The following TGFBR2 variants were observed in gnomAD, a reference collection of about 807,000 sequenced individuals.
TGFBR2 encodes the protein transforming growth factor beta receptor 2.
A neutral mutation model predicts 49.0 loss-of-function variants in TGFBR2; 18 were observed. That is an observed-to-expected ratio of 0.37 (90% CI 0.25 to 0.54). TGFBR2 has a LOEUF of 0.54. TGFBR2 is among the 20% of genes least tolerant of loss of function. The pLI, the probability that TGFBR2 is intolerant of heterozygous loss-of-function variation, is 0.85. For synonymous variants in TGFBR2, 282 were observed against 275.9 expected (o/e 1.02, Z -0.22); for missense variants, 525 against 722.6 (o/e 0.73, Z 3.13).
intron 5 of TGFBR2, among the ~76,000 whole-genome samples, chr3:30,677,444 G>C (rs921157402): frequency 1.4e-4 from 22 of 152,090 alleles, no homozygotes; most frequent in Admixed American, 7.9e-4. Context: ...TCCCATCTTT[G>C]CTCGGGCTGC....
chr3:30,684,114 C>T (rs1216409521), intron 5 of TGFBR2, among the ~76,000 whole-genome samples: 2 of 152,142 alleles, frequency 1.3e-5, no homozygotes, highest in African/African-American at 4.8e-5. Flanking sequence ...AATGGAGGCC[C>T]TGAGAATGGC....
intron 5 of TGFBR2, among the ~76,000 whole-genome samples, chr3:30,677,492 T>C (rs1209137784): frequency 6.6e-6 from 1 of 152,226 alleles, no homozygotes; most frequent in Non-Finnish European, 1.5e-5. Context: ...ACGTTCGTCC[T>C]GACACAAAGC....
intron 3 of TGFBR2, among the ~76,000 whole-genome samples, chr3:30,658,215 A>G (rs1429113513): frequency 6.6e-6 from 1 of 152,228 alleles, no homozygotes; most frequent in Non-Finnish European, 1.5e-5. Flanking sequence ...CTCAAATGCT[A>G]ACTACCAGAA....
chr3:30,673,871 CTTA>C (rs2125438453), intron 4 of TGFBR2, among the ~76,000 whole-genome samples: 1 of 152,158 alleles, frequency 6.6e-6, no homozygotes, highest in South Asian at 2.1e-4. Flanking sequence ...TTGGCACTTC[CTTA>C]TTTTGGCATG....
chr3:30,673,410 C>T (rs1699376595), intron 4 of TGFBR2, among the ~76,000 whole-genome samples: 1 of 152,174 alleles, frequency 6.6e-6, no homozygotes. Context: ...GTGAGCCATT[C>T]TCTGGAATAT....
chr3:30,661,669 G>T (rs1412022641), intron 3 of TGFBR2: 2 of 470,466 alleles, frequency 4.3e-6, no homozygotes, highest in South Asian at 1.6e-5. Context: ...AAATCAGGAT[G>T]ATCTGGCTGA....
At chr3:30,648,455 C>CACACACACACAG (rs1698815822) in intron 2 of TGFBR2, among the ~76,000 whole-genome samples, 1 of 140,508 alleles carries the variant, frequency 7.1e-6, no homozygotes, top group African/African-American at 2.7e-5. Flanking sequence ...CACACACACA[C>CACACACACACAG]ACACACAAAA....
chr3:30,621,028 C>T (rs1041193873), intron 1 of TGFBR2, among the ~76,000 whole-genome samples: 6 of 152,140 alleles, frequency 3.9e-5, no homozygotes, highest in Non-Finnish European at 8.8e-5. Context: ...TCAGCCTTCT[C>T]GTCCACCATA....
intron 3 of TGFBR2, 32 bp from the exon 4 acceptor site, chr3:30,671,606 C>T: frequency 6.2e-7 from 1 of 1,611,888 alleles, no homozygotes; most frequent in Non-Finnish European, 8.5e-7. Flanking sequence ...CCACATCCAA[C>T]TCCTTCTCTC....
chr3:30,652,232 G>GTTTTTTTTTTTTTTTTTTTTTTT, intron 3 of TGFBR2, among the ~76,000 whole-genome samples: 1 of 97,030 alleles, frequency 1.0e-5, no homozygotes, highest in Non-Finnish European at 1.9e-5. Context: ...TTTTCTGGTT[G>GTTTTTTTTTTTTTTTTTTTTTTT]TTTTTTTTTT....
rs2125438616 is a variant in TGFBR2, at chr3:30,606,879, C to G, written c.-5C>G. On this transcript the variant is annotated 5_prime_UTR_variant, in exon 1 of 7. Coordinates refer to ENST00000295754, the MANE Select transcript of TGFBR2 (RefSeq NM_003242.6). ...CTCGGTCTATGACGAGCAGCGGGGT[C>G]TGCCATGGGTCGGGGGCTGCTCAGG... 1.3e-6 allele frequency: 2 copies of G among 1,510,070 alleles called. No homozygotes were observed. Among genetic ancestry groups the G allele is most frequent in the Non-Finnish European group, 1.8e-6 (2 of 1,116,916 alleles). 93.5% of individuals were successfully genotyped at this position (1,510,070 alleles called of 1,614,324 possible).
At chr3:30,675,771 A>G (rs1318182413) in intron 5 of TGFBR2, among the ~76,000 whole-genome samples, 1 of 152,180 alleles carries the variant, frequency 6.6e-6, no homozygotes, top group Non-Finnish European at 1.5e-5. Context: ...TATACTCTTA[A>G]CTCAACTTTG....
intron 3 of TGFBR2, among the ~76,000 whole-genome samples, chr3:30,656,139 T>C (rs1311133922): frequency 5.3e-5 from 8 of 152,194 alleles, no homozygotes; most frequent in East Asian, 1.9e-4. Context: ...AGGAATAAAT[T>C]TGGTCTAAAG....
chr3:30,663,121 G>A (rs752516410), intron 3 of TGFBR2, among the ~76,000 whole-genome samples: 2 of 152,074 alleles, frequency 1.3e-5, no homozygotes, highest in Non-Finnish European at 2.9e-5. Context: ...AGAAAATGAT[G>A]GCAAGATCTT....
intron 5 of TGFBR2, among the ~76,000 whole-genome samples, chr3:30,684,153 T>C (rs876687): frequency 0.14 from 21,778 of 151,788 alleles, 1,729 homozygotes; most frequent in East Asian, 0.32. Context: ...GTAGGAAAAA[T>C]GAGCAATGTT....
At chr3:30,678,867 C>T (rs1375610863) in intron 5 of TGFBR2, among the ~76,000 whole-genome samples, 1 of 152,148 alleles carries the variant, frequency 6.6e-6, no homozygotes, top group Non-Finnish European at 1.5e-5. Context: ...TGGATGTTAA[C>T]ATTACAGTAC....
intron 2 of TGFBR2, among the ~76,000 whole-genome samples, chr3:30,645,889 A>G (rs1371622443): frequency 2.0e-5 from 3 of 152,096 alleles, no homozygotes; most frequent in Non-Finnish European, 4.4e-5. Flanking sequence ...TTATACATAC[A>G]CAGTGGATAC....
At position 30,606,689 on chromosome 3, in the gene TGFBR2, G is replaced by C. The variant is rs925186023; in HGVS notation, c.-195G>C. ...CTGTGCAGCTTCCCTCGGCCGCCGG[G>C]GGCCTCCCCGCGCCTCGCCGGCCTC... On this transcript the variant is annotated 5_prime_UTR_variant, in exon 1 of 7. Transcript: ENST00000295754. The C allele has an allele frequency of 1.8e-5, 7 of 388,686 alleles. No individual in the cohort carries two copies. The highest frequency in any genetic ancestry group is 1.4e-4 in the African/African-American group (7 of 48,350). 24.1% of individuals were successfully genotyped at this position (388,686 alleles called of 1,614,324 possible). A position where few individuals can be genotyped will look rare whatever the true frequency, so the allele number is the denominator to read the frequency against.
rs1699742893 is a variant in TGFBR2 at position 30,693,149 on chromosome 3, A to G, written c.*1550A>G. ...TCCTTTAAGGGTCTCAGTTAGCCCAAGTTTCTTTTGCTTATATGTTAATAG... is the reference window on the plus strand; with the variant it reads ...TCCTTTAAGGGTCTCAGTTAGCCCAGGTTTCTTTTGCTTATATGTTAATAG... On this transcript the variant is annotated 3_prime_UTR_variant, in exon 7 of 7. Coordinates refer to ENST00000295754, the MANE Select transcript of TGFBR2 (RefSeq NM_003242.6). 1 of 233,226 alleles carries G rather than the reference A, an allele frequency of 4.3e-6. No homozygotes were observed. Among genetic ancestry groups the G allele is most frequent in the Admixed American group, 5.6e-5 (1 of 17,774 alleles). The allele number at this position is 233,226 out of a possible 1,614,324, so 14.4% of individuals were successfully genotyped here.
Sources: gnomAD v4.1 joint callset for allele counts (sites outside exome capture counted in the v4.1 genomes callset) on GRCh38, gnomAD v4.1.1 for gene constraint, MANE v1.5 for transcripts, NCBI Gene and HGNC (gene_info 2026-07-23, HGNC 2026-07-21) for gene names.